Variants in CFAP299 observed in about 807,000 individuals in gnomAD.
CFAP299 encodes cilia- and flagella-associated protein 299.
Under a neutral mutation model 27.0 loss-of-function variants are expected in CFAP299, and 21 were observed. The observed-to-expected ratio is 0.78, with a 90% CI of 0.55 to 1.12. The LOEUF is 1.12. CFAP299 is among the 50% of genes most tolerant of loss of function. CFAP299 has a pLI of 0.00. For missense variants in CFAP299, 310 were observed against 276.6 expected (o/e 1.12, Z -0.86); for synonymous variants, 104 against 98.1 (o/e 1.06, Z -0.36).
intron 3 of CFAP299, among the ~76,000 whole-genome samples, chr4:80,844,671 TAGATTGCAA>T (rs1448863635): frequency 5.9e-5 from 9 of 152,246 alleles, no homozygotes; most frequent in Admixed American, 1.3e-4. Flanking sequence ...GTCAGATGAG[TAGATTGCAA>T]AAATTTTCTC....
At chr4:80,834,981 T>A (rs937845115) in intron 3 of CFAP299, among the ~76,000 whole-genome samples, 3 of 152,162 alleles carry the variant, frequency 2.0e-5, no homozygotes, top group African/African-American at 7.2e-5. Context: ...AAGTAGAAAG[T>A]TGTATTAAAG....
In CFAP299 at chr4:80,343,017, G is replaced by A. The variant is rs568932745; in HGVS notation, c.111+7138G>A. On this transcript the variant is annotated intron_variant, in intron 1 of 5. Transcript: ENST00000358105. ...AAATGGAAAACAGAAAAAAGCAGGGGTTGCAATCCTAGTTTCTGACAAAGC... is the reference window on the plus strand; with the variant it reads ...AAATGGAAAACAGAAAAAAGCAGGGATTGCAATCCTAGTTTCTGACAAAGC... Among the ~76,000 whole-genome samples the A allele has an allele frequency of 2.6e-5, 4 of 152,268 alleles. No homozygotes were observed. In the South Asian group the frequency reaches 6.2e-4, roughly 24 times the overall value.
chr4:80,423,245 A>G (rs1727372769), intron 2 of CFAP299, among the ~76,000 whole-genome samples: 1 of 152,226 alleles, frequency 6.6e-6, no homozygotes, highest in Admixed American at 6.5e-5. Context: ...TATGTAAATA[A>G]CAATGGAAGT....
At chr4:80,838,763 A>G (rs1235032832) in intron 3 of CFAP299, among the ~76,000 whole-genome samples, 2 of 151,990 alleles carry the variant, frequency 1.3e-5, no homozygotes, top group Non-Finnish European at 2.9e-5. Context: ...TTGGCTCCAT[A>G]TGAAATTTTA....
In CFAP299 at chr4:80,860,106, G is replaced by A. The variant is rs562754608; in HGVS notation, c.334-9887G>A. Among the ~76,000 whole-genome samples the A allele has an allele frequency of 4.0e-3, 615 of 152,098 alleles. 4 individuals are homozygous for A. The highest frequency in any genetic ancestry group is 0.013 in the African/African-American group (553 of 41,502). ...CCCATATTTCTTGGAGGCTTTGTTCGTTTCTTTTTATTCTTTTTTCTCTAA... is the reference window on the plus strand; with the variant it reads ...CCCATATTTCTTGGAGGCTTTGTTCATTTCTTTTTATTCTTTTTTCTCTAA... On this transcript the variant is annotated intron_variant, in intron 3 of 5. Coordinates refer to ENST00000358105, the MANE Select transcript of CFAP299 (RefSeq NM_152770.3).
intron 3 of CFAP299, among the ~76,000 whole-genome samples, chr4:80,666,458 C>T (rs1741144634): frequency 6.6e-6 from 1 of 152,082 alleles, no homozygotes; most frequent in Non-Finnish European, 1.5e-5. Context: ...TTAGCTTGTC[C>T]ATCCCAACCT....
At chr4:80,422,243 A>AT (rs1404331170) in intron 2 of CFAP299, among the ~76,000 whole-genome samples, 1 of 152,202 alleles carries the variant, frequency 6.6e-6, no homozygotes, top group Non-Finnish European at 1.5e-5. Context: ...CTTAACAACT[A>AT]TTCACCATAG....
intron 3 of CFAP299, among the ~76,000 whole-genome samples, chr4:80,684,421 G>A (rs1011674142): frequency 1.2e-4 from 18 of 151,864 alleles, no homozygotes; most frequent in Non-Finnish European, 2.4e-4. Flanking sequence ...CTGCTACCAC[G>A]CCCGACTAAT....
chr4:80,383,402 A>G (rs1044921518), intron 2 of CFAP299, among the ~76,000 whole-genome samples: 1 of 152,214 alleles, frequency 6.6e-6, no homozygotes, highest in Non-Finnish European at 1.5e-5. Context: ...GTCCACCCAG[A>G]ACAACAAAAC....
At chr4:80,884,894 A>C (rs1231844613) in intron 4 of CFAP299, among the ~76,000 whole-genome samples, 1 of 152,196 alleles carries the variant, frequency 6.6e-6, no homozygotes, top group Non-Finnish European at 1.5e-5. Context: ...CACAAGAACC[A>C]AAACTCCGAT....
chr4:80,692,463 A>G (rs1259042765), intron 3 of CFAP299, among the ~76,000 whole-genome samples: 1 of 152,238 alleles, frequency 6.6e-6, no homozygotes, highest in Non-Finnish European at 1.5e-5. Context: ...CCTATTTAAT[A>G]AATGGTGCTG....
chr4:80,714,733 A>G (rs329393), intron 3 of CFAP299, among the ~76,000 whole-genome samples: 119,674 of 151,870 alleles, frequency 0.79, 49,381 homozygotes, highest in East Asian at 0.97. Context: ...TTTGGAAACT[A>G]CAAAAGTTGT....
At chr4:80,589,956 A>G (rs969719227) in intron 3 of CFAP299, among the ~76,000 whole-genome samples, 10 of 152,178 alleles carry the variant, frequency 6.6e-5, no homozygotes, top group Non-Finnish European at 1.2e-4. Context: ...ACTCTCAATC[A>G]TATAAGCAAG....
At chr4:80,939,612 T>A (rs1172522458) in intron 4 of CFAP299, among the ~76,000 whole-genome samples, 1 of 152,238 alleles carries the variant, frequency 6.6e-6, no homozygotes, top group African/African-American at 2.4e-5. Flanking sequence ...CTCATATGAC[T>A]ATTTTAAATA....
chr4:80,869,612 C>T (rs1459318431), intron 3 of CFAP299, among the ~76,000 whole-genome samples: 4 of 152,104 alleles, frequency 2.6e-5, no homozygotes, highest in Non-Finnish European at 4.4e-5. Context: ...TTCCTGGGTT[C>T]GAGCGATTCC....
intron 2 of CFAP299, among the ~76,000 whole-genome samples, chr4:80,569,787 A>G (rs1262456573): frequency 6.6e-6 from 1 of 152,034 alleles, no homozygotes; most frequent in African/African-American, 2.4e-5. Context: ...AATGCAATAA[A>G]ACTTTATTGA....
intron 3 of CFAP299, among the ~76,000 whole-genome samples, chr4:80,801,879 G>C (rs1358384876): frequency 6.6e-6 from 1 of 152,022 alleles, no homozygotes; most frequent in African/African-American, 2.4e-5. Flanking sequence ...CTCCTGTAAA[G>C]TTCAGTAGAA....
At chr4:80,610,583 AT>A (rs898767456) in intron 3 of CFAP299, among the ~76,000 whole-genome samples, 1 of 152,052 alleles carries the variant, frequency 6.6e-6, no homozygotes, top group Non-Finnish European at 1.5e-5. Flanking sequence ...CACCTTAAAA[AT>A]AATAGTACAG....
intron 3 of CFAP299, among the ~76,000 whole-genome samples, chr4:80,830,410 T>A (rs2110130975): frequency 6.6e-6 from 1 of 152,232 alleles, no homozygotes; most frequent in African/African-American, 2.4e-5. Context: ...ATTTTAGTTA[T>A]ACTCTCTGAG....
Sources: gnomAD v4.1 joint callset for allele counts (sites outside exome capture counted in the v4.1 genomes callset) on GRCh38, gnomAD v4.1.1 for gene constraint, MANE v1.5 for transcripts, NCBI Gene and HGNC (gene_info 2026-07-23, HGNC 2026-07-21) for gene names.